The following RPS6KC1 variants were observed in gnomAD, a reference collection of about 807,000 sequenced individuals.
RPS6KC1 encodes inactive ribosomal protein S6 kinase delta-1.
A neutral mutation model predicts 103.8 loss-of-function variants in RPS6KC1; 54 were observed. The observed-to-expected ratio is 0.52, with a 90% CI of 0.42 to 0.65. The LOEUF is 0.65. Among genes scored for constraint, RPS6KC1 ranks in the 30% least tolerant of loss-of-function variants. The pLI, the probability that RPS6KC1 is intolerant of heterozygous loss-of-function variation, is 0.00. For missense variants in RPS6KC1, 1,151 were observed against 1,253.8 expected, an observed-to-expected ratio of 0.92 and a Z score of 1.24; for synonymous variants, 439 against 438.7, an observed-to-expected ratio of 1.00 and a Z score of -0.01.
chr1:213,646,897 A>ATATATATATT, the RPS6KC1 span, among the ~76,000 whole-genome samples: 30 of 150,532 alleles, frequency 2.0e-4, no homozygotes, highest in Non-Finnish European at 3.1e-4. Context: ...ATATATATAT[A>ATATATATATT]TTTTTGTTTG....
At chr1:213,187,230 T>A (rs1039349244) in intron 8 of RPS6KC1, among the ~76,000 whole-genome samples, 24 of 151,738 alleles carry the variant, frequency 1.6e-4, no homozygotes, top group African/African-American at 5.1e-4. Context: ...TTCTTTTTTT[T>A]AAATTTTTTT....
At chr1:213,627,651 A>G in the RPS6KC1 span, among the ~76,000 whole-genome samples, 4 of 152,332 alleles carry the variant, frequency 2.6e-5, no homozygotes, top group South Asian at 8.3e-4. Flanking sequence ...GAATTTTGAC[A>G]AAGGCCTTTT....
Position 213,272,834 on chromosome 1 carries a change from G to A in RPS6KC1, c.*200G>A, listed in dbSNP as rs2095076613. On this transcript the variant is annotated 3_prime_UTR_variant, in exon 15 of 15. Coordinates refer to ENST00000366960, the MANE Select transcript of RPS6KC1 (RefSeq NM_012424.6). ...ATATTAGCTAATTGTGCCAGGGGCT[G>A]TTATATACATATATACACAACCAAG... The A allele has an allele frequency of 2.1e-6, 1 of 475,080 alleles. No homozygotes were observed. The highest frequency in any genetic ancestry group is 3.3e-5 in the Admixed American group (1 of 30,654). The allele number at this position is 475,080 out of a possible 1,614,324, so 29.4% of individuals were successfully genotyped here. A position where few individuals can be genotyped will look rare whatever the true frequency, so the allele number is the denominator to read the frequency against.
the RPS6KC1 span, among the ~76,000 whole-genome samples, chr1:213,352,566 C>G: frequency 6.6e-6 from 1 of 152,054 alleles, no homozygotes; most frequent in Non-Finnish European, 1.5e-5. Context: ...ATGAAGTAAT[C>G]ATAGAAGGTA....
At chr1:213,591,336 C>T in the RPS6KC1 span, among the ~76,000 whole-genome samples, 2 of 152,296 alleles carry the variant, frequency 1.3e-5, no homozygotes, top group Non-Finnish European at 1.5e-5. Context: ...ACAAAACCCC[C>T]GAAGTTTACT....
the RPS6KC1 span, among the ~76,000 whole-genome samples, chr1:213,340,124 G>A: frequency 1.3e-4 from 20 of 152,022 alleles, no homozygotes; most frequent in South Asian, 2.1e-4. Context: ...TTCATGATCC[G>A]TCTGCCTCGG....
chr1:213,363,388 G>C, the RPS6KC1 span, among the ~76,000 whole-genome samples: 1 of 152,204 alleles, frequency 6.6e-6, no homozygotes, highest in Non-Finnish European at 1.5e-5. Flanking sequence ...ACATAGTCTA[G>C]TGCTGAGCAC....
the RPS6KC1 span, among the ~76,000 whole-genome samples, chr1:213,421,682 T>C: frequency 3.2e-4 from 49 of 152,294 alleles, no homozygotes; most frequent in Admixed American, 1.2e-3. Flanking sequence ...CTTTCATTGA[T>C]TGAATGTGAG....
chr1:213,602,817 T>C, the RPS6KC1 span, among the ~76,000 whole-genome samples: 4 of 152,046 alleles, frequency 2.6e-5, no homozygotes, highest in Admixed American at 6.6e-5. Flanking sequence ...AGCCTTAGAG[T>C]TTGGGGGCTT....
the RPS6KC1 span, among the ~76,000 whole-genome samples, chr1:213,392,423 G>C: frequency 3.3e-5 from 5 of 152,114 alleles, no homozygotes; most frequent in East Asian, 1.9e-4. Flanking sequence ...CAGGTGGGAG[G>C]AGGAGGGTCA....
the RPS6KC1 span, among the ~76,000 whole-genome samples, chr1:213,506,423 C>T: frequency 6.6e-6 from 1 of 152,234 alleles, no homozygotes; most frequent in Admixed American, 6.5e-5. Flanking sequence ...TCCAAACTCT[C>T]TCACTAAGTA....
At chr1:213,329,799 G>C in the RPS6KC1 span, among the ~76,000 whole-genome samples, 2 of 152,138 alleles carry the variant, frequency 1.3e-5, no homozygotes, top group East Asian at 3.9e-4. Context: ...AGCTGTCCGA[G>C]GTCCTTCTTC....
chr1:213,178,797 CTCCGCCTCGTGGGTT>C (rs979931830), intron 8 of RPS6KC1, among the ~76,000 whole-genome samples: 4 of 152,004 alleles, frequency 2.6e-5, no homozygotes, highest in Admixed American at 2.6e-4. Context: ...TCACTGCAGC[CTCCGCCTCGTGGGTT>C]CAAACAATTC....
chr1:213,241,185 T>A lies in RPS6KC1; in HGVS notation c.1709T>A (p.Leu570Gln), dbSNP rs2148940374. Residue 570 changes from leucine (L) to glutamine (Q), a missense_variant, in exon 11 of 15, where the codon CTG becomes CAG. Physicochemically the swap from Leu to Gln is moderately radical, Grantham distance 113 (BLOSUM62 -2). This residue lies in a region of RPS6KC1 where 959 missense variants were observed against 1,006.3 expected (regional missense o/e 0.95). Transcript: ENST00000366960. ...SPSTQLRAHE[L>Q]KFFPNDDPEA... ...AGCACACAGCTGAGAGCTCACGAGC[T>A]GAAGTTCTTCCCCAACGATGACCCA... The A allele has an allele frequency of 1.9e-6, 3 of 1,613,862 alleles. No homozygotes were observed. The highest frequency in any genetic ancestry group is 2.5e-6 in the Non-Finnish European group (3 of 1,179,878).
intron 8 of RPS6KC1, among the ~76,000 whole-genome samples, chr1:213,196,980 G>A (rs1356345045): frequency 6.6e-6 from 1 of 152,110 alleles, no homozygotes; most frequent in Non-Finnish European, 1.5e-5. Context: ...GGGATTACGG[G>A]CATGTGCCAC....
the RPS6KC1 span, among the ~76,000 whole-genome samples, chr1:213,416,578 C>T: frequency 6.6e-6 from 1 of 152,276 alleles, no homozygotes; most frequent in Admixed American, 6.5e-5. Context: ...TCCAGATTCA[C>T]CCCTTTCCCA....
chr1:213,612,488 T>A, the RPS6KC1 span, among the ~76,000 whole-genome samples: 1 of 152,312 alleles, frequency 6.6e-6, no homozygotes, highest in Non-Finnish European at 1.5e-5. Context: ...TTCATTTCAG[T>A]TTCCTCTTCA....
the RPS6KC1 span, among the ~76,000 whole-genome samples, chr1:213,616,979 T>A: frequency 6.6e-6 from 1 of 152,200 alleles, no homozygotes; most frequent in East Asian, 1.9e-4. Context: ...TGGACCTCAG[T>A]GTCCTCATTG....
chr1:213,778,151 A>G, the RPS6KC1 span, among the ~76,000 whole-genome samples: 1 of 152,170 alleles, frequency 6.6e-6, no homozygotes, highest in African/African-American at 2.4e-5. Context: ...TGATATTCAG[A>G]GGTGGAAAGT....
Sources: allele counts gnomAD v4.1 joint callset (sites outside exome capture counted in the v4.1 genomes callset), GRCh38; gene constraint gnomAD v4.1.1; regional missense constraint gnomAD v4.1.1; transcripts MANE v1.5; gene names NCBI Gene and HGNC (gene_info 2026-07-23, HGNC 2026-07-21).